Variants in STARD13 observed in about 807,000 individuals in gnomAD.
STARD13 encodes the protein StAR related lipid transfer domain containing 13, also known as stAR-related lipid transfer protein 13.
A neutral mutation model predicts 106.4 loss-of-function variants in STARD13; 62 were observed. The ratio of observed to expected loss-of-function variants is 0.58; its 90% CI spans 0.48 to 0.72. STARD13 has a LOEUF of 0.72. STARD13 is among the 30% of genes least tolerant of loss of function. STARD13 has a pLI of 0.00. For missense variants in STARD13, 1,387 were observed against 1,424.0 expected (o/e 0.97, Z 0.42); for synonymous variants, 565 against 553.0 (o/e 1.02, Z -0.31).
At chr13:33,283,950 A>T (rs9315206) in intron 1 of STARD13, among the ~76,000 whole-genome samples, 21,992 of 152,220 alleles carry the variant, frequency 0.14, 2,003 homozygotes, top group Non-Finnish European at 0.2. Context: ...AATATTTCTC[A>T]TATGATATGC....
chr13:33,355,976 G>T, the STARD13 span, among the ~76,000 whole-genome samples: 1 of 152,184 alleles, frequency 6.6e-6, no homozygotes, highest in African/African-American at 2.4e-5. Context: ...AATAACTTTG[G>T]CTGTGTTTCA....
chr13:33,607,253 G>T, the STARD13 span, among the ~76,000 whole-genome samples: 8 of 151,356 alleles, frequency 5.3e-5, no homozygotes, highest in African/African-American at 1.9e-4. Flanking sequence ...ACAAAAACAT[G>T]GTGTTTAAGA....
Position 33,269,987 on chromosome 13 carries a change from G to A in STARD13, c.169+15483C>T, listed in dbSNP as rs181327559. ...ACAGTGGTTCACACCTGAAATCCCC[G>A]CACTTTGGGAGGCCGAGGTGGGTGG... On this transcript the variant is annotated intron_variant, in intron 1 of 13. Transcript: ENST00000336934. 3.0e-4 allele frequency among the ~76,000 whole-genome samples: 46 copies of A among 152,240 alleles called. No individual in the cohort carries two copies. The Middle Eastern group carries it at 0.01, about 34-fold the overall frequency.
chr13:33,213,988 C>T (rs559982937), intron 1 of STARD13, among the ~76,000 whole-genome samples: 117 of 152,278 alleles, frequency 7.7e-4, no homozygotes, highest in Admixed American at 3.7e-3. Context: ...ACTTTCTAAG[C>T]TGGATTTCTT....
chr13:33,666,237 A>G, the STARD13 span, among the ~76,000 whole-genome samples: 19,709 of 152,238 alleles, frequency 0.13, 3,689 homozygotes, highest in African/African-American at 0.41. Flanking sequence ...TTACTAATAC[A>G]TTGATTAGAA....
chr13:33,458,282 T>A, the STARD13 span, among the ~76,000 whole-genome samples: 1 of 151,538 alleles, frequency 6.6e-6, no homozygotes, highest in Non-Finnish European at 1.5e-5. Context: ...TTGTTGTTTT[T>A]TTTTTTTTGA....
chr13:33,502,561 C>T, the STARD13 span, among the ~76,000 whole-genome samples: 45,250 of 151,990 alleles, frequency 0.3, 7,586 homozygotes, highest in Non-Finnish European at 0.39. Context: ...TACGTCCCAT[C>T]AATACCTAGT....
chr13:33,629,039 C>T, the STARD13 span, among the ~76,000 whole-genome samples: 3 of 152,170 alleles, frequency 2.0e-5, no homozygotes, highest in Non-Finnish European at 4.4e-5. Context: ...CTATGTTGAG[C>T]TTGATTGTCT....
chr13:33,339,564 T>C (rs1393630539), intron 1 of STARD13, among the ~76,000 whole-genome samples: 1 of 152,240 alleles, frequency 6.6e-6, no homozygotes, highest in Non-Finnish European at 1.5e-5. Context: ...TTTATGGTGC[T>C]ACTCTAAAGG....
the STARD13 span, among the ~76,000 whole-genome samples, chr13:33,433,134 G>A: frequency 6.6e-6 from 1 of 152,276 alleles, no homozygotes; most frequent in Admixed American, 6.5e-5. Flanking sequence ...ATACTTCGGT[G>A]CTTCTGATTG....
At position 33,124,746 on chromosome 13, in the gene STARD13, C is replaced by T. The variant is rs148381782; in HGVS notation, c.2082+1335G>A. Among the ~76,000 whole-genome samples, 513 of 152,176 alleles carry T rather than the reference C, an allele frequency of 3.4e-3. 4 individuals carry two copies. Among genetic ancestry groups the T allele is most frequent in the Admixed American group, 0.016 (243 of 15,278 alleles). ...AAAATTAAAATGTTTGCTTAAGTAA[C>T]GAGATTCATTGGCTGACTCTATTGG... On this transcript the variant is annotated intron_variant, in intron 7 of 13. Coordinates refer to ENST00000336934, the MANE Select transcript of STARD13 (RefSeq NM_178006.4).
chr13:33,126,031 A>G (rs1877104645), intron 7 of STARD13, 50 bp downstream of exon 7: 3 of 1,601,596 alleles, frequency 1.9e-6, no homozygotes, highest in Non-Finnish European at 2.6e-6. Context: ...CCTCAATCCA[A>G]TCCCATGGTT....
intron 1 of STARD13, among the ~76,000 whole-genome samples, chr13:33,242,209 G>C (rs1160911404): frequency 1.3e-5 from 2 of 152,124 alleles, no homozygotes; most frequent in South Asian, 2.1e-4. Context: ...TCCGGGAGGT[G>C]GGGGGCAGCC....
At position 33,280,985 on chromosome 13, in the gene STARD13, A is replaced by G. The variant is rs75028876; in HGVS notation, c.169+4485T>C. ...AGAAACTGTAGAACAATTGTAAGCC[A>G]CTGATATATTCCACATAATAAAGCC... On this transcript the variant is annotated intron_variant, in intron 1 of 13. Coordinates refer to ENST00000336934, the MANE Select transcript of STARD13 (RefSeq NM_178006.4). 246 of 152,334 alleles carry G rather than the reference A, an allele frequency of 1.6e-3. 1 individual carries two copies. The highest frequency in any genetic ancestry group is 5.7e-3 in the African/African-American group (239 of 41,580). 9.4% of individuals were successfully genotyped at this position (152,334 alleles called of 1,614,324 possible). A position where few individuals can be genotyped will look rare whatever the true frequency, so the allele number is the denominator to read the frequency against.
the STARD13 span, chr13:33,439,711 T>C: frequency 7.9e-7 from 1 of 1,260,754 alleles, no homozygotes; most frequent in Non-Finnish European, 1.0e-6. Flanking sequence ...TTTGGGTCTG[T>C]TATCAGAGAG....
chr13:33,658,717 G>A, the STARD13 span, among the ~76,000 whole-genome samples: 2 of 152,184 alleles, frequency 1.3e-5, no homozygotes, highest in African/African-American at 2.4e-5. Context: ...TCAAAGTGAT[G>A]TCTTTTAGTA....
chr13:33,513,450 A>G, the STARD13 span, among the ~76,000 whole-genome samples: 1 of 152,112 alleles, frequency 6.6e-6, no homozygotes, highest in Non-Finnish European at 1.5e-5. Context: ...CTGGGAGGAG[A>G]GACATACGTG....
the STARD13 span, among the ~76,000 whole-genome samples, chr13:33,612,880 C>T: frequency 6.6e-6 from 1 of 152,186 alleles, no homozygotes; most frequent in Non-Finnish European, 1.5e-5. Flanking sequence ...CATGTGGCCC[C>T]CCAGATAATC....
chr13:33,314,479 A>C (rs1893255909), intron 1 of STARD13, among the ~76,000 whole-genome samples: 1 of 152,228 alleles, frequency 6.6e-6, no homozygotes, highest in Non-Finnish European at 1.5e-5. Flanking sequence ...ATTATAGCAG[A>C]AGGCCAGTTA....
Sources: gnomAD v4.1 joint callset for allele counts (sites outside exome capture counted in the v4.1 genomes callset) on GRCh38, gnomAD v4.1.1 for gene constraint, MANE v1.5 for transcripts, NCBI Gene and HGNC (gene_info 2026-07-23, HGNC 2026-07-21) for gene names.